Variants in ANK2 observed in about 807,000 individuals in gnomAD.
ANK2 encodes the protein ankyrin-2.
ANK2 carries 83 observed loss-of-function variants against 360.5 expected under a neutral mutation model. That is an observed-to-expected ratio of 0.23 (90% CI 0.19 to 0.28). The LOEUF is 0.28. Ranked by LOEUF, ANK2 falls within the 10% of genes least tolerant of loss-of-function variation. ANK2 has a pLI of 1.00. For synonymous variants in ANK2, 1,740 were observed against 1,759.5 expected, an observed-to-expected ratio of 0.99 and a Z score of 0.28; for missense variants, 4,201 against 4,795.7, an observed-to-expected ratio of 0.88 and a Z score of 3.66.
intron 4 of ANK2, chr4:113,214,554 T>C: frequency 1.8e-6 from 1 of 540,714 alleles, no homozygotes. Flanking sequence ...TTCAATACCA[T>C]GAATCACAGA....
Position 113,345,962 on chromosome 4 carries a change from G to C in ANK2, c.4311G>C (p.Thr1437=), listed in dbSNP as rs374770898. Reference sequence around the variant, plus strand: ...CATTTATGAAGGAGCCAAAATCCACGAGAGGCCTGGTGCATCAAGCTATTT... The same window carrying C: ...CATTTATGAAGGAGCCAAAATCCACCAGAGGCCTGGTGCATCAAGCTATTT... ...RLSFMKEPKS[T]RGLVHQAICN... The change falls in exon 35 of 46, where the codon ACG becomes ACC. Residue 1437 remains threonine, a synonymous_variant. Transcript: ENST00000357077. 6.2e-7 allele frequency: 1 copy of C among 1,613,652 alleles called. No homozygotes were observed. The highest frequency in any genetic ancestry group is 2.2e-5 in the East Asian group (1 of 44,858).
At chr4:112,813,646 CT>C, upstream of ANK2, among the ~76,000 whole-genome samples, 1 of 152,270 alleles carries the variant, frequency 6.6e-6, no homozygotes, top group South Asian at 2.1e-4. Flanking sequence ...ACCCATTCTC[CT>C]GCCTCAGCAT....
intron 1 of ANK2, among the ~76,000 whole-genome samples, chr4:112,859,273 G>C (rs1457454587): frequency 6.6e-6 from 1 of 152,176 alleles, no homozygotes; most frequent in Non-Finnish European, 1.5e-5. Context: ...CCCTTCCTGG[G>C]CAAAGCAAAA....
intron 2 of ANK2, among the ~76,000 whole-genome samples, chr4:113,027,514 C>T (rs944702560): frequency 2.6e-5 from 4 of 152,104 alleles, no homozygotes; most frequent in Non-Finnish European, 4.4e-5. Flanking sequence ...CAGTGTCTGT[C>T]TTCTTCCTGG....
At chr4:113,084,840 T>G (rs1032294455) in intron 1 of ANK2, among the ~76,000 whole-genome samples, 5 of 152,242 alleles carry the variant, frequency 3.3e-5, no homozygotes, top group African/African-American at 1.2e-4. Context: ...GATAGTATTT[T>G]GCAAAGTACT....
chr4:113,137,745 A>G (rs1176002907), intron 1 of ANK2, among the ~76,000 whole-genome samples: 2 of 152,198 alleles, frequency 1.3e-5, no homozygotes, highest in Non-Finnish European at 2.9e-5. Context: ...AAGATTAAAC[A>G]CATATAAACA....
chr4:112,757,635 CATTT>C, the ANK2 span, among the ~76,000 whole-genome samples: 5 of 152,284 alleles, frequency 3.3e-5, no homozygotes, highest in African/African-American at 1.2e-4. Flanking sequence ...GACAGTTTAT[CATTT>C]ATTTAATAGG....
chr4:113,164,502 G>C (rs74581176), intron 1 of ANK2, among the ~76,000 whole-genome samples: 1 of 152,102 alleles, frequency 6.6e-6, no homozygotes, highest in Non-Finnish European at 1.5e-5. Flanking sequence ...CTTGGGGTGC[G>C]GTCAGCACCT....
rs543320047 is a variant in ANK2 at position 112,882,620 on chromosome 4, T to C, written c.-39-21835T>C. ...AAGGATGCCGTATTTAATTGAAACT[T>C]TGGGAAAATTTATGTAGGCAAAATG... On this transcript the variant is annotated intron_variant, in intron 1 of 30. Transcript: ENST00000503271. 9.5e-4 allele frequency among the ~76,000 whole-genome samples: 144 copies of C among 152,140 alleles called. 4 individuals carry two copies. The highest frequency in any genetic ancestry group is 1.5e-3 in the Admixed American group (23 of 15,272).
In ANK2 at chr4:113,350,080, GA is replaced by G. The variant is rs1232685341; in HGVS notation, c.4405-142del. ...GGATAAGAATCATGGAGACTCTCAG[GA>G]AAAAATGTAGCAAATTACTCTGACC... On this transcript the variant is annotated intron_variant, in intron 36 of 45. Transcript: ENST00000357077. The G allele has an allele frequency of 2.4e-5, 16 of 673,550 alleles. No individual in the cohort carries two copies. The East Asian group carries it at 3.9e-4, about 16-fold the overall frequency. The allele number at this position is 673,550 out of a possible 1,614,324, so 41.7% of individuals were successfully genotyped here. A position where few individuals can be genotyped will look rare whatever the true frequency, so the allele number is the denominator to read the frequency against.
At chr4:113,196,862 G>T (rs1179542568) in intron 3 of ANK2, among the ~76,000 whole-genome samples, 2 of 152,110 alleles carry the variant, frequency 1.3e-5, no homozygotes, top group Non-Finnish European at 2.9e-5. Context: ...AGGTTGGCTA[G>T]AACACCAAGA....
At chr4:113,199,830 G>A (rs376062038) in intron 4 of ANK2, among the ~76,000 whole-genome samples, 125 of 152,146 alleles carry the variant, frequency 8.2e-4, no homozygotes, top group African/African-American at 2.9e-3. Context: ...ACTATATCAT[G>A]GAGGATATTA....
At chr4:113,018,233 T>G (rs1561554926) in intron 2 of ANK2, among the ~76,000 whole-genome samples, 1 of 152,196 alleles carries the variant, frequency 6.6e-6, no homozygotes, top group East Asian at 1.9e-4. Context: ...AGGAAGTCAT[T>G]TTACAAATAG....
chr4:113,313,157 ACATTGGT>A (rs2080991199), intron 24 of ANK2, among the ~76,000 whole-genome samples: 1 of 152,204 alleles, frequency 6.6e-6, no homozygotes, highest in African/African-American at 2.4e-5. Flanking sequence ...CTGTCTTGAT[ACATTGGT>A]AGATTTGGAC....
At chr4:113,116,701 CAG>C (rs1562183899) in intron 1 of ANK2, among the ~76,000 whole-genome samples, 1 of 150,508 alleles carries the variant, frequency 6.6e-6, no homozygotes, top group East Asian at 1.9e-4. Flanking sequence ...AGTAGCACGG[CAG>C]CAGCAGCAGC....
At chr4:112,963,901 A>C (rs1445974727) in intron 2 of ANK2, among the ~76,000 whole-genome samples, 1 of 151,984 alleles carries the variant, frequency 6.6e-6, no homozygotes, top group African/African-American at 2.4e-5. Flanking sequence ...AACTATTTAT[A>C]GTTACTGAGT....
chr4:113,079,694 T>C (rs939059239), intron 1 of ANK2, among the ~76,000 whole-genome samples: 1 of 148,738 alleles, frequency 6.7e-6, no homozygotes, highest in African/African-American at 2.5e-5. Flanking sequence ...TCTGAATCAA[T>C]GTGTCATTAT....
chr4:113,225,654 T>A (rs954750886), intron 4 of ANK2, among the ~76,000 whole-genome samples: 3 of 152,198 alleles, frequency 2.0e-5, no homozygotes, highest in Admixed American at 1.3e-4. Flanking sequence ...CCTTGTATAT[T>A]AACAGTATTT....
At chr4:112,965,368 T>C (rs2036801145) in intron 2 of ANK2, among the ~76,000 whole-genome samples, 1 of 152,212 alleles carries the variant, frequency 6.6e-6, no homozygotes, top group Non-Finnish European at 1.5e-5. Flanking sequence ...TTTTTTCCTA[T>C]AGAGTTGTTT....
Sources: allele counts gnomAD v4.1 joint callset (sites outside exome capture counted in the v4.1 genomes callset), GRCh38; gene constraint gnomAD v4.1.1; transcripts MANE v1.5; gene names NCBI Gene and HGNC (gene_info 2026-07-23, HGNC 2026-07-21).